Variants in COL27A1 observed in about 807,000 individuals in gnomAD.
COL27A1 encodes collagen alpha-1(XXVII) chain.
A neutral mutation model predicts 251.3 loss-of-function variants in COL27A1; 106 were observed. The observed-to-expected ratio is 0.42, with a 90% confidence interval of 0.36 to 0.50. The LOEUF (loss-of-function observed/expected upper bound fraction) is 0.50. Ranked by LOEUF, COL27A1 falls within the 20% of genes least tolerant of loss-of-function variation. The pLI is 0.00. For synonymous variants in COL27A1, 1,000 were observed against 986.3 expected (o/e 1.01, Z -0.26); for missense variants, 2,325 against 2,522.8 (o/e 0.92, Z 1.68).
At chr9:114,299,556 T>C (rs1368502361) in intron 49 of COL27A1, among the ~76,000 whole-genome samples, 1 of 152,216 alleles carries the variant, frequency 6.6e-6, no homozygotes, top group East Asian at 1.9e-4. Context: ...GCGTGACTTT[T>C]AGCAAGTTCC....
At chr9:114,304,145 C>A (rs780333106) in intron 56 of COL27A1, among the ~76,000 whole-genome samples, 5 of 152,018 alleles carry the variant, frequency 3.3e-5, no homozygotes, top group African/African-American at 1.2e-4. Context: ...GGGGCATTGT[C>A]GCCTCTCCTT....
chr9:114,207,639 C>G (rs528840348), intron 10 of COL27A1, among the ~76,000 whole-genome samples: 12 of 152,304 alleles, frequency 7.9e-5, no homozygotes, highest in African/African-American at 2.4e-4. Context: ...GGTGGGAAGC[C>G]TGGATGAGCA....
chr9:114,205,058 G>A (rs41306492), intron 7 of COL27A1, 44 bp from the exon 8 acceptor site: 37,576 of 1,600,944 alleles, frequency 0.023, 516 homozygotes, highest in Non-Finnish European at 0.027. Context: ...TCCAGGACCA[G>A]ATGTGTCCTC....
At chr9:114,213,975 C>A (rs1195578040) in intron 12 of COL27A1, among the ~76,000 whole-genome samples, 1 of 152,154 alleles carries the variant, frequency 6.6e-6, no homozygotes, top group Non-Finnish European at 1.5e-5. Flanking sequence ...CTGTGCAATA[C>A]CCTTGAGAGC....
intron 19 of COL27A1, among the ~76,000 whole-genome samples, chr9:114,238,741 C>T (rs562991963): frequency 2.8e-4 from 42 of 152,302 alleles, no homozygotes; most frequent in Middle Eastern, 6.8e-3. Context: ...GTCCAGCTTT[C>T]CCAGCATTCT....
Position 114,290,714 on chromosome 9 carries a change from C to T in COL27A1, c.4369-96C>T. 1 of 907,772 alleles carries T rather than the reference C, an allele frequency of 1.1e-6. No individual in the cohort carries two copies. Among genetic ancestry groups the T allele is most frequent in the Non-Finnish European group, 1.7e-6 (1 of 598,794 alleles). The allele number at this position is 907,772 out of a possible 1,614,324, so 56.2% of individuals were successfully genotyped here. On this transcript the variant is annotated intron_variant, in intron 47 of 60. Coordinates refer to ENST00000356083, the MANE Select transcript of COL27A1 (RefSeq NM_032888.4). The surrounding 1 kb of genome is among the most constrained non-coding windows in gnomAD (Gnocchi z 4.6). Reference sequence around the variant, plus strand: ...CATCCTGGAGTGTGACCCCTTCCTCCAGCTTCACCCAGGGTTTGCCCAGGC... The same window carrying T: ...CATCCTGGAGTGTGACCCCTTCCTCTAGCTTCACCCAGGGTTTGCCCAGGC...
At chr9:114,158,349 A>G (rs370646841) in intron 1 of COL27A1, among the ~76,000 whole-genome samples, 2 of 152,332 alleles carry the variant, frequency 1.3e-5, no homozygotes, top group South Asian at 2.1e-4. Context: ...AAAACTATCC[A>G]AGCAGTCTGC....
At chr9:114,242,143 A>G (rs1229496748) in intron 21 of COL27A1, 44 bp from the exon 22 acceptor site, 2 of 1,537,620 alleles carry the variant, frequency 1.3e-6, no homozygotes, top group Non-Finnish European at 1.8e-6. Context: ...GTCCAACTGG[A>G]TTAACTTTCT....
intron 5 of COL27A1, among the ~76,000 whole-genome samples, chr9:114,183,547 C>A (rs1828103754): frequency 6.6e-6 from 1 of 151,974 alleles, no homozygotes; most frequent in African/African-American, 2.4e-5. Context: ...CTAGTCCGGG[C>A]CAACTTAGGG....
At chr9:114,218,739 C>T (rs2135377458) in intron 12 of COL27A1, among the ~76,000 whole-genome samples, 2 of 152,210 alleles carry the variant, frequency 1.3e-5, no homozygotes, top group East Asian at 3.9e-4. Flanking sequence ...GGCTAAACAC[C>T]TGGTTACATA....
Position 114,288,792 on chromosome 9 carries a change from G to A in COL27A1, c.4098+37G>A. 6 of 1,604,898 alleles carry A rather than the reference G, an allele frequency of 3.7e-6. No homozygotes were observed. The Admixed American group carries it at 6.7e-5, about 18-fold the overall frequency. ...AGCTCCTACCTGCTGGCAGGATCGG[G>A]CATGTCAGGGAGAGGGGGGATGACA... On this transcript the variant is annotated intron_variant, in intron 43 of 60. Coordinates refer to ENST00000356083, the MANE Select transcript of COL27A1 (RefSeq NM_032888.4).
intron 37 of COL27A1, among the ~76,000 whole-genome samples, chr9:114,277,797 T>C (rs553014821): frequency 1.3e-5 from 2 of 152,290 alleles, no homozygotes; most frequent in African/African-American, 4.8e-5. Context: ...CTCTCTGGTT[T>C]TGCCCTTGGA....
Position 114,237,014 on chromosome 9 carries a change from C to T in COL27A1, c.2653C>T (p.Arg885Trp), listed in dbSNP as rs535822192. 144 of 1,610,496 alleles carry T rather than the reference C, an allele frequency of 8.9e-5. No individual in the cohort carries two copies. The highest frequency in any genetic ancestry group is 3.8e-4 in the South Asian group (34 of 90,628). The stretch of plus-strand genomic sequence containing the variant: ...GGGGTTGCCAGGGTTCCCCGGTGCA[C>T]GGGGGAAGCCAGGGCCTCTGGTAAG... ...SQGLPGFPGA[R>W]GKPGPLGKVG... is the part of the protein sequence containing the mutation. Residue 885 changes from arginine to tryptophan, a missense_variant, in exon 18 of 61, where the codon CGG becomes TGG. By Grantham distance (101) the Arg-to-Trp change is moderately radical. Transcript: ENST00000356083.
At chr9:114,262,893 T>C (rs1202138861) in intron 28 of COL27A1, among the ~76,000 whole-genome samples, 1 of 152,040 alleles carries the variant, frequency 6.6e-6, no homozygotes, top group Non-Finnish European at 1.5e-5. Flanking sequence ...GAAGTGGAAT[T>C]TTCACTTTGT....
In COL27A1 at chr9:114,269,273, G is replaced by C; in HGVS notation, c.3534G>C (p.Glu1178Asp). The C allele has an allele frequency of 1.2e-6, 2 of 1,608,424 alleles. No individual in the cohort carries two copies. The highest frequency in any genetic ancestry group is 1.7e-6 in the Non-Finnish European group (2 of 1,176,974). Residue 1178 changes from glutamate to aspartate, a missense_variant, in exon 35 of 61, where the codon GAG becomes GAC. By Grantham distance (45) the Glu-to-Asp change is conservative (BLOSUM62 2). Transcript: ENST00000356083. ...GDLGPLGTPG[E>D]QGLIGQRGEP... The stretch of plus-strand genomic sequence containing the variant: ...TTGGACCCCTGGGCACTCCTGGGGA[G>C]CAGGGCCTCATTGGGCAACGGGTAA...
intron 14 of COL27A1, among the ~76,000 whole-genome samples, chr9:114,229,957 G>A (rs1483745478): frequency 2.6e-5 from 4 of 152,168 alleles, no homozygotes; most frequent in Non-Finnish European, 4.4e-5. Flanking sequence ...CCTACCAGAC[G>A]CCAATAGCAC....
intron 5 of COL27A1, among the ~76,000 whole-genome samples, chr9:114,186,765 G>A (rs1828370684): frequency 6.6e-6 from 1 of 152,210 alleles, no homozygotes. Context: ...GTCTGCAAAC[G>A]CCATTTAGGC....
At position 114,245,924 on chromosome 9, in the gene COL27A1, G is replaced by C. The variant is rs375598705; in HGVS notation, c.2979+14G>C. The C allele has an allele frequency of 6.2e-7, 1 of 1,611,872 alleles. No homozygotes were observed. Among genetic ancestry groups the C allele is most frequent in the East Asian group, 2.2e-5 (1 of 44,808 alleles). On this transcript the variant is annotated intron_variant, in intron 24 of 60. Transcript: ENST00000356083. Reference sequence around the variant, plus strand: ...GTGGGAGAGCAGGTTAGTTAGCAACGGTCTCTGAATGAGTGGCTCCATTTA... The same window carrying C: ...GTGGGAGAGCAGGTTAGTTAGCAACCGTCTCTGAATGAGTGGCTCCATTTA...
intron 2 of COL27A1, 93 bp downstream of exon 2, chr9:114,162,878 G>A: frequency 1.2e-6 from 1 of 813,436 alleles, no homozygotes; most frequent in Non-Finnish European, 2.1e-6. Flanking sequence ...CCTGTAATTG[G>A]AACTCAATGC....
Sources: allele counts gnomAD v4.1 joint callset (sites outside exome capture counted in the v4.1 genomes callset), GRCh38; gene constraint gnomAD v4.1.1; non-coding constraint Gnocchi (gnomAD v3.1); transcripts MANE v1.5; gene names NCBI Gene and HGNC (gene_info 2026-07-23, HGNC 2026-07-21).